The following ACTC1 variants were observed in gnomAD, a reference collection of about 807,000 sequenced individuals.
ACTC1 encodes actin, alpha cardiac muscle 1.
A neutral mutation model predicts 31.6 loss-of-function variants in ACTC1; 10 were observed. The ratio of observed to expected loss-of-function variants is 0.32; its 90% confidence interval spans 0.19 to 0.54. The LOEUF is 0.54. ACTC1 is among the 20% of genes least tolerant of loss of function. ACTC1 has a pLI of 0.95. For missense variants in ACTC1, 129 were observed against 506.4 expected (o/e 0.25, Z 7.15); for synonymous variants, 196 against 185.0 (o/e 1.06, Z -0.48).
Position 34,794,835 on chromosome 15 carries a change from A to T in ACTC1, c.-22-5T>A, listed in dbSNP as rs554219325. The T allele has an allele frequency of 2.6e-6, 4 of 1,558,640 alleles. No homozygotes were observed. In the East Asian group the frequency reaches 9.7e-5, roughly 38 times the overall value. ...TTGGCACAGCTTCAGGGGGTTCTGC[A>T]GGTTGAGGAGGGGAGGGCGGACCAC... is the stretch of plus-strand genomic sequence containing the variant. On this transcript the variant is annotated splice_region_variant and splice_polypyrimidine_tract_variant and intron_variant, in intron 1 of 6. Coordinates refer to ENST00000290378, the MANE Select transcript of ACTC1 (RefSeq NM_005159.5).
Position 34,794,797 on chromosome 15 carries a change from G to C in ACTC1, c.12C>G (p.Asp4Glu). 1 of 1,613,504 alleles carries C rather than the reference G, an allele frequency of 6.2e-7. No individual in the cohort carries two copies. The highest frequency in any genetic ancestry group is 8.5e-7 in the Non-Finnish European group (1 of 1,179,654). MCD[D>E]EETTALVCDN... ...CGCACACCAGGGCGGTGGTCTCCTCGTCGTCACACATCTTGGCACAGCTTC... is the reference window on the plus strand; with the variant it reads ...CGCACACCAGGGCGGTGGTCTCCTCCTCGTCACACATCTTGGCACAGCTTC... Residue 4 changes from aspartate (D) to glutamate (E), a missense_variant, in exon 2 of 7, where the codon GAC (aspartate) becomes GAG (glutamate). Asp to Glu is a conservative substitution (Grantham distance 45). Coordinates refer to ENST00000290378, the MANE Select transcript of ACTC1 (RefSeq NM_005159.5).
In ACTC1 at chr15:34,792,057, A is replaced by G. The variant is rs1347787786; in HGVS notation, c.808+33T>C. ...GGGAGACCCTAAGATTTCCAGGGAA[A>G]ATCGTGCCTCTGCACCAGACCCTAC... On this transcript the variant is annotated intron_variant, in intron 5 of 6. Coordinates refer to ENST00000290378, the MANE Select transcript of ACTC1 (RefSeq NM_005159.5). The surrounding 1 kb of genome is among the most constrained non-coding windows in gnomAD (Gnocchi z 5.3). The G allele has an allele frequency of 6.2e-7, 1 of 1,612,582 alleles. No homozygotes were observed. The highest frequency in any genetic ancestry group is 2.2e-5 in the East Asian group (1 of 44,892).
chr15:34,790,561 G>C lies in ACTC1; in HGVS notation c.991-6C>G. 6.2e-7 allele frequency: 1 copy of C among 1,612,804 alleles called. No homozygotes were observed. On this transcript the variant is annotated splice_region_variant and splice_polypyrimidine_tract_variant and intron_variant, in intron 6 of 6. Coordinates refer to ENST00000290378, the MANE Select transcript of ACTC1 (RefSeq NM_005159.5). ...CGCTCAGGGGGAGCAATAATCTGCAGAAAGAAAACAAAAACTTCCAGTGAA... is the reference window on the plus strand; with the variant it reads ...CGCTCAGGGGGAGCAATAATCTGCACAAAGAAAACAAAAACTTCCAGTGAA...
Position 34,792,532 on chromosome 15 carries a change from A to G in ACTC1, c.492T>C (p.Asn164=), listed in dbSNP as rs1381077471. The G allele has an allele frequency of 2.5e-6, 4 of 1,614,182 alleles. No individual in the cohort carries two copies. The highest frequency in any genetic ancestry group is 2.2e-5 in the East Asian group (1 of 44,872). The change falls in exon 4 of 7, where the codon AAT becomes AAC. Residue 164 remains asparagine, a synonymous_variant. Transcript: ENST00000290378. This position sits in a 1 kb window ranked among gnomAD's most constrained non-coding sequence, Gnocchi z 5.3. ...AAGCGTAGCCCTCATAGATGGGGAC[A>G]TTGTGAGTTACACCATCCCCAGAGT... ...VLDSGDGVTH[N]VPIYEGYALP... is the part of the protein sequence containing the mutation.
In ACTC1 at chr15:34,792,921, T is replaced by C. The variant is rs79792346; in HGVS notation, c.454+324A>G. 4,459 of 513,028 alleles carry C rather than the reference T, an allele frequency of 8.7e-3. 173 individuals are homozygous for C. Among genetic ancestry groups the C allele is most frequent in the African/African-American group, 0.078 (4,055 of 52,086 alleles). 31.8% of individuals were successfully genotyped at this position (513,028 alleles called of 1,614,324 possible). ...TCTCTCTTTTGACTCAGACCCTGTATGGAATGTATTCTCCTTGGGGATGCT... is the reference window on the plus strand; with the variant it reads ...TCTCTCTTTTGACTCAGACCCTGTACGGAATGTATTCTCCTTGGGGATGCT... On this transcript the variant is annotated intron_variant, in intron 3 of 6. Coordinates refer to ENST00000290378, the MANE Select transcript of ACTC1 (RefSeq NM_005159.5). The surrounding 1 kb of genome is among the most constrained non-coding windows in gnomAD (Gnocchi z 5.3).
Position 34,792,582 on chromosome 15 carries a change from G to A in ACTC1, c.455-13C>T. ...TCCAGAACAATGCCTGCCCGGGGAA[G>A]TAGACAAGAACAAGGTAAATTCCTG... On this transcript the variant is annotated splice_polypyrimidine_tract_variant and intron_variant, in intron 3 of 6. Transcript: ENST00000290378. The surrounding 1 kb of genome is among the most constrained non-coding windows in gnomAD (Gnocchi z 5.3). The A allele has an allele frequency of 6.2e-7, 1 of 1,614,138 alleles. No individual in the cohort carries two copies. The highest frequency in any genetic ancestry group is 8.5e-7 in the Non-Finnish European group (1 of 1,180,006).
Position 34,792,672 on chromosome 15 carries a change from A to G in ACTC1, c.455-103T>C. 1 of 1,213,666 alleles carries G rather than the reference A, an allele frequency of 8.2e-7. No individual in the cohort carries two copies. Among genetic ancestry groups the G allele is most frequent in the Admixed American group, 1.8e-5 (1 of 54,798 alleles). The allele number at this position is 1,213,666 out of a possible 1,614,324, so 75.2% of individuals were successfully genotyped here. A position where few individuals can be genotyped will look rare whatever the true frequency, so the allele number is the denominator to read the frequency against. Reference sequence around the variant, plus strand: ...CCAATCTTGGCTAAGAGATGCTAGCAATGGGCATTGATCCAGATAAAATTA... The same window carrying G: ...CCAATCTTGGCTAAGAGATGCTAGCGATGGGCATTGATCCAGATAAAATTA... On this transcript the variant is annotated intron_variant, in intron 3 of 6. Coordinates refer to ENST00000290378, the MANE Select transcript of ACTC1 (RefSeq NM_005159.5). This position sits in a 1 kb window ranked among gnomAD's most constrained non-coding sequence, Gnocchi z 5.3.
intron 6 of ACTC1, 105 bp from the exon 7 acceptor site, chr15:34,790,660 C>T (rs1018048937): frequency 5.9e-6 from 8 of 1,359,236 alleles, no homozygotes; most frequent in Admixed American, 1.8e-5. Context: ...GATATTAATT[C>T]GCTATAATGT....
In ACTC1 at chr15:34,792,322, G is replaced by T; in HGVS notation, c.617-41C>A. 6.2e-7 allele frequency: 1 copy of T among 1,614,104 alleles called. No individual in the cohort carries two copies. The highest frequency in any genetic ancestry group is 8.5e-7 in the Non-Finnish European group (1 of 1,179,936). ...GTATCACAGTCATGCTCTGAAGCAA[G>T]AAGTCAATTATAGGGAGGTAGGCGG... On this transcript the variant is annotated intron_variant, in intron 4 of 6. Transcript: ENST00000290378. This position sits in a 1 kb window ranked among gnomAD's most constrained non-coding sequence, Gnocchi z 5.3.
In ACTC1 at chr15:34,790,493, C is replaced by G. The variant is rs151321743; in HGVS notation, c.1053G>C (p.Leu351=). The G allele has an allele frequency of 1.2e-4, 201 of 1,614,130 alleles. 5 individuals carry two copies. The East Asian group carries it at 4.4e-3, about 35-fold the overall frequency. Residue 351 remains leucine, a synonymous_variant, in exon 7 of 7, where the codon CTG becomes CTC. Coordinates refer to ENST00000290378, the MANE Select transcript of ACTC1 (RefSeq NM_005159.5). ...TAATCCACATTTGCTGGAAGGTGGA[C>G]AGAGAGGCCAGGATGGAGCCCCCAA... ...VWIGGSILAS[L]STFQQMWISK...
Position 34,793,634 on chromosome 15 carries a change from C to G in ACTC1, c.130-65G>C. 2 of 1,443,422 alleles carry G rather than the reference C, an allele frequency of 1.4e-6. No individual in the cohort carries two copies. Among genetic ancestry groups the G allele is most frequent in the Non-Finnish European group, 1.9e-6 (2 of 1,033,324 alleles). 89.4% of individuals were successfully genotyped at this position (1,443,422 alleles called of 1,614,324 possible). Reference sequence around the variant, plus strand: ...GTCAGGAATATAATCAGTGTCTTGTCCATTTATATCTAACTGCCCAAGTCA... The same window carrying G: ...GTCAGGAATATAATCAGTGTCTTGTGCATTTATATCTAACTGCCCAAGTCA... On this transcript the variant is annotated intron_variant, in intron 2 of 6. Coordinates refer to ENST00000290378, the MANE Select transcript of ACTC1 (RefSeq NM_005159.5). The surrounding 1 kb of genome is among the most constrained non-coding windows in gnomAD (Gnocchi z 4.8).
intron 6 of ACTC1, among the ~76,000 whole-genome samples, chr15:34,790,890 CT>C (rs145950317): frequency 6.6e-6 from 1 of 151,860 alleles, no homozygotes; most frequent in Middle Eastern, 3.4e-3. Context: ...GTGTGTGTGT[CT>C]TTTTTTTGTC....
chr15:34,791,752 A>G (rs978049112), intron 5 of ACTC1: 1 of 387,430 alleles, frequency 2.6e-6, no homozygotes, highest in Non-Finnish European at 4.8e-6. Context: ...TTTAATGATG[A>G]GGAACTTGGA....
At position 34,792,303 on chromosome 15, in the gene ACTC1, C is replaced by T; in HGVS notation, c.617-22G>A. On this transcript the variant is annotated intron_variant, in intron 4 of 6. Transcript: ENST00000290378. This position sits in a 1 kb window ranked among gnomAD's most constrained non-coding sequence, Gnocchi z 5.3. Reference sequence around the variant, plus strand: ...TCAGCTACAGAAATAAAGAGTATCACAGTCATGCTCTGAAGCAAGAAGTCA... The same window carrying T: ...TCAGCTACAGAAATAAAGAGTATCATAGTCATGCTCTGAAGCAAGAAGTCA... 6.2e-7 allele frequency: 1 copy of T among 1,614,192 alleles called. No homozygotes were observed. Among genetic ancestry groups the T allele is most frequent in the Non-Finnish European group, 8.5e-7 (1 of 1,180,022 alleles).
In ACTC1 at chr15:34,790,335, G is replaced by A. The variant is rs2140428800; in HGVS notation, c.*77C>T. 7 of 1,539,046 alleles carry A rather than the reference G, an allele frequency of 4.5e-6. No individual in the cohort carries two copies. Among genetic ancestry groups the A allele is most frequent in the Non-Finnish European group, 6.3e-6 (7 of 1,113,938 alleles). On this transcript the variant is annotated 3_prime_UTR_variant, in exon 7 of 7. Coordinates refer to ENST00000290378, the MANE Select transcript of ACTC1 (RefSeq NM_005159.5). ...CTGTACAATGATTGATGAAAGATGA[G>A]GGAAGGTGGTTTGGAAGACTCCAAG...
At chr15:34,790,912 T>C (rs1891691013) in intron 6 of ACTC1, among the ~76,000 whole-genome samples, 1 of 152,188 alleles carries the variant, frequency 6.6e-6, no homozygotes, top group Non-Finnish European at 1.5e-5. Flanking sequence ...AAAGATTTAT[T>C]TTTATTCACT....
At chr15:34,791,353 A>ACG in intron 5 of ACTC1, 58 bp from the exon 6 acceptor site, 1 of 1,472,800 alleles carries the variant, frequency 6.8e-7, no homozygotes, top group Non-Finnish European at 9.3e-7. Context: ...ACACACACAC[A>ACG]TCACAGTGCA....
chr15:34,792,643 G>T lies in ACTC1; in HGVS notation c.455-74C>A. 6.5e-7 allele frequency: 1 copy of T among 1,537,764 alleles called. No individual in the cohort carries two copies. Among genetic ancestry groups the T allele is most frequent in the South Asian group, 1.1e-5 (1 of 88,886 alleles). On this transcript the variant is annotated intron_variant, in intron 3 of 6. Transcript: ENST00000290378. This position sits in a 1 kb window ranked among gnomAD's most constrained non-coding sequence, Gnocchi z 5.3. The stretch of plus-strand genomic sequence containing the variant: ...CACTGCTCTAGCCACGGCAAAGCCC[G>T]CTTCCAATCTTGGCTAAGAGATGCT...
In ACTC1 at chr15:34,791,810, G is replaced by A. The variant is rs578233638; in HGVS notation, c.808+280C>T. On this transcript the variant is annotated intron_variant, in intron 5 of 6. Transcript: ENST00000290378. ...AACTTACGGGAATAAGTCAGCTCTT[G>A]TGAACTAGCCCTTTTCCTGCAGATA... is the stretch of plus-strand genomic sequence containing the variant. The A allele has an allele frequency of 8.8e-4, 405 of 458,208 alleles. 1 individual carries two copies. The highest frequency in any genetic ancestry group is 1.3e-3 in the Non-Finnish European group (330 of 251,220). 28.4% of individuals were successfully genotyped at this position (458,208 alleles called of 1,614,324 possible). A position where few individuals can be genotyped will look rare whatever the true frequency, so the allele number is the denominator to read the frequency against.
Sources: allele counts gnomAD v4.1 joint callset (sites outside exome capture counted in the v4.1 genomes callset), GRCh38; gene constraint gnomAD v4.1.1; non-coding constraint Gnocchi (gnomAD v3.1); transcripts MANE v1.5; gene names NCBI Gene and HGNC (gene_info 2026-07-23, HGNC 2026-07-21).